The following LRRC40 variants were observed in gnomAD, a reference collection of about 807,000 sequenced individuals.
LRRC40 encodes the protein leucine-rich repeat-containing protein 40.
Under a neutral mutation model 72.8 loss-of-function variants are expected in LRRC40, and 76 were observed. That is an observed-to-expected ratio of 1.04 (90% confidence interval 0.87 to 1.26). The LOEUF (loss-of-function observed/expected upper bound fraction) is 1.26. Among genes scored for constraint, LRRC40 ranks in the 50% most tolerant of loss-of-function variants. LRRC40 has a pLI of 0.00. For synonymous variants in LRRC40, 243 were observed against 254.2 expected, an observed-to-expected ratio of 0.96 and a Z score of 0.42; for missense variants, 684 against 698.9, an observed-to-expected ratio of 0.98 and a Z score of 0.24.
At chr1:70,158,099 CAAAAAAAAAA>C (rs35925333) in intron 10 of LRRC40, among the ~76,000 whole-genome samples, 225 of 19,214 alleles carry the variant, frequency 0.012, 1 homozygote, top group South Asian at 0.077. Flanking sequence ...GACCCTGCCT[CAAAAAAAAAA>C]AAAAAAAAAA....
rs150357085 is a variant in LRRC40, at chr1:70,189,270, G to C, written c.155C>G (p.Pro52Arg). The change falls in exon 2 of 15, where the codon CCG becomes CGG. Residue 52 changes from proline (P) to arginine (R), a missense_variant. Transcript: ENST00000370952. The part of the protein sequence containing the change: ...NLSGRNLSEV[P>R]QCVWRINVDI... ...CACATTTATTCTCCAGACACACTGC[G>C]GCACTAGTTCCATCAGCACCACACC... 1 of 1,590,808 alleles carries C rather than the reference G, an allele frequency of 6.3e-7. No homozygotes were observed. Among genetic ancestry groups the C allele is most frequent in the East Asian group, 2.3e-5 (1 of 44,134 alleles).
rs566913515 is a variant in LRRC40 at position 70,184,969 on chromosome 1, T to G, written c.408-55A>C. ...ATTTAGTGGCAATACAATAAATATT[T>G]ATCAAAGACATTTCTTGCTAACCAA... On this transcript the variant is annotated intron_variant, in intron 3 of 14. Coordinates refer to ENST00000370952, the MANE Select transcript of LRRC40 (RefSeq NM_017768.5). 5.5e-5 allele frequency: 78 copies of G among 1,428,850 alleles called. 1 individual carries two copies. In the South Asian group the frequency reaches 8.8e-4, roughly 16 times the overall value. The allele number at this position is 1,428,850 out of a possible 1,614,324, so 88.5% of individuals were successfully genotyped here.
At chr1:70,147,596 G>A (rs934937478) in intron 14 of LRRC40, among the ~76,000 whole-genome samples, 3 of 152,126 alleles carry the variant, frequency 2.0e-5, no homozygotes, top group Non-Finnish European at 2.9e-5. Context: ...TCCCCCAGAA[G>A]CAATAGGTCA....
chr1:70,187,382 A>C (rs761846103), intron 2 of LRRC40, 44 bp from the exon 3 acceptor site: 2 of 929,746 alleles, frequency 2.2e-6, no homozygotes. Context: ...TAGTCTTATC[A>C]TTAACAATAT....
intron 13 of LRRC40, among the ~76,000 whole-genome samples, chr1:70,149,920 T>A (rs935903764): frequency 3.3e-5 from 5 of 152,266 alleles, no homozygotes; most frequent in African/African-American, 9.6e-5. Flanking sequence ...TTTTATTTTT[T>A]AAATTTTATT....
intron 4 of LRRC40, among the ~76,000 whole-genome samples, chr1:70,182,600 G>T (rs1043754554): frequency 6.6e-6 from 1 of 151,730 alleles, no homozygotes; most frequent in Non-Finnish European, 1.5e-5. Flanking sequence ...AAACCCCCTT[G>T]TAAATTCTAC....
chr1:70,187,401 T>C lies in LRRC40; in HGVS notation c.334-63A>G. ...CTTATCATTAACAATATATAAGCTT[T>C]GCCAGTGTACAAAACTATTAGTCAG... On this transcript the variant is annotated intron_variant, in intron 2 of 14. Transcript: ENST00000370952. The C allele has an allele frequency of 6.2e-6, 5 of 805,052 alleles. No homozygotes were observed. The South Asian group carries it at 7.9e-5, about 13-fold the overall frequency. 49.9% of individuals were successfully genotyped at this position (805,052 alleles called of 1,614,324 possible).
At position 70,187,290 on chromosome 1, in the gene LRRC40, C is replaced by G; in HGVS notation, c.382G>C (p.Glu128Gln). 6.3e-7 allele frequency: 1 copy of G among 1,586,246 alleles called. No homozygotes were observed. Among genetic ancestry groups the G allele is most frequent in the Non-Finnish European group, 8.6e-7 (1 of 1,157,866 alleles). ...CTGACATTAAGTTTCTGAAGATTTT[C>G]TAGCTCTCTTATAGCAGAAGGAAGG... ...TSLPSAIREL[E>Q]NLQKLNVSHN... The change falls in exon 3 of 15, where the codon GAA (glutamate) becomes CAA (glutamine). Residue 128 changes from glutamate to glutamine, a missense_variant. Transcript: ENST00000370952.
intron 12 of LRRC40, chr1:70,152,039 T>G (rs1384957581): frequency 6.2e-6 from 1 of 162,418 alleles, no homozygotes; most frequent in Non-Finnish European, 1.3e-5. Flanking sequence ...TCTCTGTACT[T>G]TTCTCCAGTT....
chr1:70,181,807 A>G (rs1190867569), intron 4 of LRRC40, among the ~76,000 whole-genome samples: 1 of 152,090 alleles, frequency 6.6e-6, no homozygotes, highest in Non-Finnish European at 1.5e-5. Context: ...ATTAATCGCT[A>G]TACCTCCTGT....
intron 1 of LRRC40, among the ~76,000 whole-genome samples, chr1:70,200,574 T>C (rs1046782121): frequency 3.3e-5 from 5 of 152,188 alleles, no homozygotes; most frequent in Non-Finnish European, 4.4e-5. Flanking sequence ...ATTATTTGTT[T>C]AACAAGTACA....
At chr1:70,193,243 C>A (rs562851035) in intron 1 of LRRC40, among the ~76,000 whole-genome samples, 53 of 151,698 alleles carry the variant, frequency 3.5e-4, no homozygotes, top group African/African-American at 1.3e-3. Context: ...AAACCCTTAG[C>A]TAGACAGATG....
At chr1:70,184,279 TAA>T (rs1407506336) in intron 4 of LRRC40, among the ~76,000 whole-genome samples, 3 of 152,214 alleles carry the variant, frequency 2.0e-5, no homozygotes, top group Admixed American at 2.0e-4. Context: ...AAAATATGAC[TAA>T]AATAATATTT....
At chr1:70,189,301 A>C in intron 1 of LRRC40, 28 bp from the exon 2 acceptor site, 1 of 1,024,136 alleles carries the variant, frequency 9.8e-7, no homozygotes, top group South Asian at 2.3e-5. Flanking sequence ...ACACCAGGAA[A>C]AAAAAAAAAA....
intron 7 of LRRC40, among the ~76,000 whole-genome samples, chr1:70,175,596 A>G (rs1240285025): frequency 6.6e-6 from 1 of 152,198 alleles, no homozygotes; most frequent in Non-Finnish European, 1.5e-5. Context: ...TAGTTAGAGT[A>G]AGTCATAAAT....
At chr1:70,184,240 C>T (rs1175906982) in intron 4 of LRRC40, among the ~76,000 whole-genome samples, 4 of 152,024 alleles carry the variant, frequency 2.6e-5, no homozygotes, top group African/African-American at 4.8e-5. Context: ...AGGGTAAGAC[C>T]ATGTCCCCCC....
At chr1:70,163,432 C>T (rs774409379) in intron 9 of LRRC40, among the ~76,000 whole-genome samples, 6 of 152,118 alleles carry the variant, frequency 3.9e-5, no homozygotes, top group African/African-American at 7.2e-5. Context: ...CCCTTTCCAA[C>T]TTCTAGTAGC....
intron 11 of LRRC40, among the ~76,000 whole-genome samples, chr1:70,153,972 C>CAAAAA (rs1042976831): frequency 5.2e-5 from 3 of 58,180 alleles, no homozygotes; most frequent in African/African-American, 7.1e-5. Context: ...GATCCTGTCT[C>CAAAAA]AAAAAAAAAA....
intron 1 of LRRC40, among the ~76,000 whole-genome samples, chr1:70,197,558 C>T (rs2100348300): frequency 6.7e-6 from 1 of 150,262 alleles, no homozygotes; most frequent in South Asian, 2.1e-4. Context: ...GGATTATAAT[C>T]ATGGGCAATC....
Sources: gnomAD v4.1 joint callset for allele counts (sites outside exome capture counted in the v4.1 genomes callset) on GRCh38, gnomAD v4.1.1 for gene constraint, MANE v1.5 for transcripts, NCBI Gene and HGNC (gene_info 2026-07-23, HGNC 2026-07-21) for gene names.